Variants in DLG2 observed in about 807,000 individuals in gnomAD.
DLG2 encodes the protein discs large MAGUK scaffold protein 2.
Under a neutral mutation model 132.5 loss-of-function variants are expected in DLG2, and 45 were observed. The observed-to-expected ratio is 0.34, with a 90% CI of 0.27 to 0.44. DLG2 has a LOEUF of 0.44. Ranked by LOEUF, DLG2 falls within the 20% of genes least tolerant of loss-of-function variation. The pLI, the probability that DLG2 is intolerant of heterozygous loss-of-function variation, is 1.00. For missense variants in DLG2, 1,045 were observed against 1,196.9 expected, an observed-to-expected ratio of 0.87 and a Z score of 1.87; for synonymous variants, 424 against 419.6, an observed-to-expected ratio of 1.01 and a Z score of -0.13.
At chr11:85,044,403 T>C (rs1007962124) in intron 6 of DLG2, among the ~76,000 whole-genome samples, 2 of 152,058 alleles carry the variant, frequency 1.3e-5, no homozygotes, top group African/African-American at 4.8e-5. Context: ...TGTTTATAAA[T>C]GTTAACTGTC....
intron 6 of DLG2, among the ~76,000 whole-genome samples, chr11:84,699,681 G>A (rs542201840): frequency 3.3e-5 from 5 of 151,556 alleles, no homozygotes; most frequent in East Asian, 3.9e-4. Context: ...GACTATCTTC[G>A]TCTCCCTCGT....
chr11:85,533,517 G>A (rs977504119), intron 3 of DLG2, among the ~76,000 whole-genome samples: 4 of 149,936 alleles, frequency 2.7e-5, no homozygotes, highest in South Asian at 2.1e-4. Context: ...GGGTGTATAC[G>A]TACTACATTT....
chr11:84,556,783 C>T (rs1181028716), intron 6 of DLG2, among the ~76,000 whole-genome samples: 1 of 152,186 alleles, frequency 6.6e-6, no homozygotes, highest in African/African-American at 2.4e-5. Context: ...GTGTTCTTAT[C>T]ATTTAGCTCC....
intron 3 of DLG2, among the ~76,000 whole-genome samples, chr11:85,399,584 T>A (rs1453702128): frequency 6.6e-6 from 1 of 151,910 alleles, no homozygotes. Context: ...AAAACAGACA[T>A]ATAGATCAAT....
intron 3 of DLG2, among the ~76,000 whole-genome samples, chr11:85,468,972 C>T (rs1282506615): frequency 1.3e-5 from 2 of 152,158 alleles, no homozygotes; most frequent in African/African-American, 4.8e-5. Context: ...AGATTTCTGA[C>T]ATAATCTTGC....
intron 18 of DLG2, among the ~76,000 whole-genome samples, chr11:83,783,128 A>G (rs2094905522): frequency 1.3e-5 from 2 of 152,228 alleles, no homozygotes; most frequent in South Asian, 4.1e-4. Context: ...ATTGAATTTT[A>G]AAAGTTGGCA....
At chr11:83,955,225 G>A (rs1032320718) in intron 14 of DLG2, among the ~76,000 whole-genome samples, 23 of 152,142 alleles carry the variant, frequency 1.5e-4, no homozygotes, top group African/African-American at 5.3e-4. Flanking sequence ...CGGCAACACA[G>A]AGGCAAAGGG....
chr11:84,502,202 CCT>C (rs377449451), intron 7 of DLG2, among the ~76,000 whole-genome samples: 18,290 of 24,826 alleles, frequency 0.74, 7,646 homozygotes, highest in Middle Eastern at 0.83. Context: ...CTCTCTCTCT[CCT>C]TCCTTCCTTC....
chr11:85,377,130 AT>A (rs1346487264), intron 3 of DLG2, among the ~76,000 whole-genome samples: 2 of 152,172 alleles, frequency 1.3e-5, no homozygotes, highest in African/African-American at 2.4e-5. Flanking sequence ...TAGAATCCTG[AT>A]TCTTAACAAT....
chr11:85,623,783 T>G (rs12099140), intron 2 of DLG2, among the ~76,000 whole-genome samples: 7,346 of 152,310 alleles, frequency 0.048, 565 homozygotes, highest in African/African-American at 0.17. Flanking sequence ...AACTTTCTGC[T>G]GTAAAACATG....
At chr11:84,243,332 T>A (rs1034712453) in intron 8 of DLG2, among the ~76,000 whole-genome samples, 2 of 152,168 alleles carry the variant, frequency 1.3e-5, no homozygotes, top group Non-Finnish European at 2.9e-5. Context: ...ACTACTTTTT[T>A]GGAAAGCAAA....
In DLG2 at chr11:84,279,577, G is replaced by C. The variant is rs538648149; in HGVS notation, c.520-28286C>G. Among the ~76,000 whole-genome samples, 16 of 152,326 alleles carry C rather than the reference G, an allele frequency of 1.1e-4. No homozygotes were observed. In the South Asian group the frequency reaches 3.1e-3, roughly 30 times the overall value. On this transcript the variant is annotated intron_variant, in intron 7 of 27. Coordinates refer to ENST00000376104, the MANE Select transcript of DLG2 (RefSeq NM_001142699.3). The stretch of plus-strand genomic sequence containing the variant: ...CTAATCCAAATGCCCATCAGTGATA[G>C]ACTGGATAAAGAAAATGTGGCACAT...
In DLG2 at chr11:85,495,887, C is replaced by T. The variant is rs115928400; in HGVS notation, c.40+102770G>A. Among the ~76,000 whole-genome samples the T allele has an allele frequency of 4.2e-3, 637 of 152,266 alleles. 4 individuals are homozygous for T. The highest frequency in any genetic ancestry group is 0.015 in the African/African-American group (610 of 41,568). On this transcript the variant is annotated intron_variant, in intron 3 of 27. Coordinates refer to ENST00000376104, the MANE Select transcript of DLG2 (RefSeq NM_001142699.3). ...AAGATTTGGAACGAACCCAAATGCC[C>T]ATCAGTGATAGGCTGCATAAAGAAA...
intron 7 of DLG2, among the ~76,000 whole-genome samples, chr11:84,526,570 T>C (rs2099321149): frequency 6.6e-6 from 1 of 152,136 alleles, no homozygotes; most frequent in Non-Finnish European, 1.5e-5. Flanking sequence ...ACAAGATATT[T>C]TGAGAGACAG....
chr11:84,064,251 A>T (rs1030991937), intron 10 of DLG2, among the ~76,000 whole-genome samples: 1 of 152,232 alleles, frequency 6.6e-6, no homozygotes, highest in Non-Finnish European at 1.5e-5. Context: ...ATTCCCATGC[A>T]TTATGCATAA....
chr11:83,959,894 T>C (rs1030315118), intron 14 of DLG2, among the ~76,000 whole-genome samples: 3 of 152,110 alleles, frequency 2.0e-5, no homozygotes, highest in Non-Finnish European at 1.5e-5. Context: ...CAATAATATA[T>C]ATTACAGCAC....
chr11:83,724,965 C>T lies in DLG2; in HGVS notation c.1825+61725G>A, dbSNP rs942716221. On this transcript the variant is annotated intron_variant, in intron 18 of 27. Transcript: ENST00000376104. ...GAGCTGCTTGGTGTATAAACTCCGC[C>T]TGGCCAGCACACACCTCCTGACGCT... The T allele has an allele frequency of 1.1e-5, 8 of 701,336 alleles. No individual in the cohort carries two copies. The Admixed American group carries it at 1.6e-4, about 14-fold the overall frequency. The allele number at this position is 701,336 out of a possible 1,614,324, so 43.4% of individuals were successfully genotyped here. A position where few individuals can be genotyped will look rare whatever the true frequency, so the allele number is the denominator to read the frequency against.
intron 4 of DLG2, among the ~76,000 whole-genome samples, chr11:85,190,860 A>G (rs2080471261): frequency 6.6e-6 from 1 of 152,180 alleles, no homozygotes; most frequent in Admixed American, 6.5e-5. Context: ...AAAATGACAG[A>G]TGTTGGTGAT....
At chr11:85,133,052 G>A (rs1048282661) in intron 5 of DLG2, 4 of 344,614 alleles carry the variant, frequency 1.2e-5, no homozygotes, top group South Asian at 4.6e-5. Context: ...CCTGGGCTCC[G>A]TGGCTGCATG....
Sources: allele counts gnomAD v4.1 joint callset (sites outside exome capture counted in the v4.1 genomes callset), GRCh38; gene constraint gnomAD v4.1.1; transcripts MANE v1.5; gene names NCBI Gene and HGNC (gene_info 2026-07-23, HGNC 2026-07-21).